The following ELAPOR1 variants were observed in gnomAD, a reference collection of about 807,000 sequenced individuals.
ELAPOR1 encodes endosome/lysosome-associated apoptosis and autophagy regulator 1.
In ELAPOR1, 77 loss-of-function variants were observed where a neutral mutation model predicts 119.7. The observed-to-expected ratio is 0.64, with a 90% CI of 0.54 to 0.78. The LOEUF is 0.78. ELAPOR1 is among the 30% of genes least tolerant of loss of function. The pLI, the probability that ELAPOR1 is intolerant of heterozygous loss-of-function variation, is 0.00. For synonymous variants in ELAPOR1, 481 were observed against 487.2 expected (o/e 0.99, Z 0.17); for missense variants, 1,115 against 1,270.4 (o/e 0.88, Z 1.86).
At chr1:109,179,773 GCA>G (rs952826775) in intron 7 of ELAPOR1, among the ~76,000 whole-genome samples, 1 of 152,046 alleles carries the variant, frequency 6.6e-6, no homozygotes, top group Non-Finnish European at 1.5e-5. Flanking sequence ...GGGTGTGGTG[GCA>G]CACGCCTGTA....
chr1:109,156,159 T>C (rs1037386292), intron 1 of ELAPOR1, among the ~76,000 whole-genome samples: 10 of 151,996 alleles, frequency 6.6e-5, no homozygotes, highest in Non-Finnish European at 1.5e-4. Context: ...TATATATAGA[T>C]TTATATTTTA....
intron 1 of ELAPOR1, among the ~76,000 whole-genome samples, chr1:109,149,151 A>G (rs1482665155): frequency 6.6e-6 from 1 of 152,190 alleles, no homozygotes; most frequent in Non-Finnish European, 1.5e-5. Flanking sequence ...CGCGTCGGGC[A>G]GGCAGTAAAC....
intron 1 of ELAPOR1, among the ~76,000 whole-genome samples, chr1:109,154,796 T>C (rs1317305818): frequency 6.6e-6 from 1 of 152,228 alleles, no homozygotes; most frequent in Non-Finnish European, 1.5e-5. Flanking sequence ...TCGAAGCAAC[T>C]AGGGTAAATG....
intron 1 of ELAPOR1, among the ~76,000 whole-genome samples, chr1:109,116,849 C>G (rs1648045050): frequency 6.6e-6 from 1 of 152,090 alleles, no homozygotes; most frequent in Non-Finnish European, 1.5e-5. Context: ...TGCAACCACA[C>G]CCGGCTAATT....
At chr1:109,186,120 G>C (rs1201560855) in intron 8 of ELAPOR1, among the ~76,000 whole-genome samples, 1 of 151,890 alleles carries the variant, frequency 6.6e-6, no homozygotes, top group Admixed American at 6.6e-5. Context: ...AAGGAGGGTG[G>C]TGCCACTATT....
intron 3 of ELAPOR1, among the ~76,000 whole-genome samples, chr1:109,164,899 C>G (rs992237056): frequency 6.6e-6 from 1 of 152,184 alleles, no homozygotes; most frequent in Non-Finnish European, 1.5e-5. Context: ...CCTAAACTTA[C>G]CAGTGATGGA....
intron 7 of ELAPOR1, among the ~76,000 whole-genome samples, chr1:109,178,649 A>T (rs1652496188): frequency 6.6e-6 from 1 of 152,186 alleles, no homozygotes; most frequent in African/African-American, 2.4e-5. Context: ...TGGTGTTGGG[A>T]TAGGAGAGCT....
intron 11 of ELAPOR1, among the ~76,000 whole-genome samples, chr1:109,190,841 C>T (rs910776158): frequency 6.6e-6 from 1 of 152,178 alleles, no homozygotes; most frequent in Non-Finnish European, 1.5e-5. Flanking sequence ...CCTTTAACCC[C>T]GGCAAAGCTC....
intron 1 of ELAPOR1, among the ~76,000 whole-genome samples, chr1:109,119,199 A>AT (rs577249345): frequency 0.031 from 3,724 of 119,568 alleles, 58 homozygotes; most frequent in Non-Finnish European, 0.041. Flanking sequence ...ACCTGGCCTA[A>AT]TTTTTTTTTT....
intron 1 of ELAPOR1, among the ~76,000 whole-genome samples, chr1:109,117,080 C>G (rs1648061210): frequency 6.6e-6 from 1 of 152,166 alleles, no homozygotes; most frequent in Non-Finnish European, 1.5e-5. Flanking sequence ...AAGGCTGACC[C>G]TAATGACAAT....
At chr1:109,164,256 T>G (rs1651435383) in intron 2 of ELAPOR1, among the ~76,000 whole-genome samples, 1 of 152,146 alleles carries the variant, frequency 6.6e-6, no homozygotes, top group Non-Finnish European at 1.5e-5. Flanking sequence ...CTCTATGGCT[T>G]CACCTCTTTT....
At chr1:109,180,638 C>T (rs1436436201) in intron 7 of ELAPOR1, among the ~76,000 whole-genome samples, 1 of 152,286 alleles carries the variant, frequency 6.6e-6, no homozygotes, top group East Asian at 1.9e-4. Flanking sequence ...AATTCATTTA[C>T]CTTAAGCCCT....
Position 109,203,470 on chromosome 1 carries a change from G to C in ELAPOR1, c.*458G>C, listed in dbSNP as rs1654306338. 6.4e-6 allele frequency: 1 copy of C among 157,064 alleles called. No homozygotes were observed. The highest frequency in any genetic ancestry group is 1.9e-4 in the South Asian group (1 of 5,240). 9.7% of individuals were successfully genotyped at this position (157,064 alleles called of 1,614,324 possible). A position where few individuals can be genotyped will look rare whatever the true frequency, so the allele number is the denominator to read the frequency against. ...AGGAGGGTGTCGGGGTTCCCTGGTG[G>C]ATAATCTTCATAGCAGCCTGGATCC... is the stretch of plus-strand genomic sequence containing the variant. On this transcript the variant is annotated 3_prime_UTR_variant, in exon 22 of 22. Coordinates refer to ENST00000369939, the MANE Select transcript of ELAPOR1 (RefSeq NM_020775.5).
intron 1 of ELAPOR1, among the ~76,000 whole-genome samples, chr1:109,143,454 A>G (rs1649960223): frequency 6.6e-6 from 1 of 152,176 alleles, no homozygotes; most frequent in Non-Finnish European, 1.5e-5. Flanking sequence ...GAGCTGTGGG[A>G]AGGATAAAAT....
In ELAPOR1 at chr1:109,198,511, G is replaced by C. The variant is rs558317576; in HGVS notation, c.2400-62G>C. The C allele has an allele frequency of 2.9e-4, 414 of 1,432,142 alleles. 5 individuals are homozygous for C. In the South Asian group the frequency reaches 4.8e-3, roughly 17 times the overall value. 88.7% of individuals were successfully genotyped at this position (1,432,142 alleles called of 1,614,324 possible). A position where few individuals can be genotyped will look rare whatever the true frequency, so the allele number is the denominator to read the frequency against. On this transcript the variant is annotated intron_variant, in intron 17 of 21. Transcript: ENST00000369939. ...AATTGCTCCATGCGGATTTCTCTTG[G>C]TGGCTGTCCAATAACACAGCTGAGT...
chr1:109,126,026 G>A (rs1047418113), intron 1 of ELAPOR1, among the ~76,000 whole-genome samples: 21 of 152,166 alleles, frequency 1.4e-4, no homozygotes, highest in African/African-American at 4.8e-4. Flanking sequence ...TGGTCCCAGG[G>A]AGAAGCTCAT....
intron 1 of ELAPOR1, among the ~76,000 whole-genome samples, chr1:109,149,022 G>T (rs556332111): frequency 2.6e-5 from 4 of 152,188 alleles, no homozygotes; most frequent in Admixed American, 6.5e-5. Flanking sequence ...TGTCATAAAT[G>T]TCAGCGACCA....
intron 7 of ELAPOR1, among the ~76,000 whole-genome samples, chr1:109,175,056 C>T (rs754621749): frequency 3.1e-4 from 47 of 152,116 alleles, no homozygotes; most frequent in Non-Finnish European, 6.3e-4. Context: ...AACACGGTCT[C>T]ACTGTGTTGC....
In ELAPOR1 at chr1:109,147,839, A is replaced by T. The variant is rs955880313; in HGVS notation, c.154-14055A>T. On this transcript the variant is annotated intron_variant, in intron 1 of 21. Coordinates refer to ENST00000369939, the MANE Select transcript of ELAPOR1 (RefSeq NM_020775.5). ...TTATTATTATTATTATTTGTTTTTT[A>T]TTTTTTTCGAGGCGGAGTCTTGCTC... 5.4e-5 allele frequency among the ~76,000 whole-genome samples: 8 copies of T among 148,426 alleles called. No individual in the cohort carries two copies. In the East Asian group the frequency reaches 1.2e-3, roughly 22 times the overall value.
Sources: gnomAD v4.1 joint callset for allele counts (sites outside exome capture counted in the v4.1 genomes callset) on GRCh38, gnomAD v4.1.1 for gene constraint, MANE v1.5 for transcripts, NCBI Gene and HGNC (gene_info 2026-07-23, HGNC 2026-07-21) for gene names.